RNF150: variants seen among roughly 807,000 people sequenced by gnomAD.
The protein encoded by RNF150 is ring finger protein 150.
In RNF150, 24 loss-of-function variants were observed where a neutral mutation model predicts 39.3. The ratio of observed to expected loss-of-function variants is 0.61; its 90% confidence interval spans 0.44 to 0.86. RNF150 has a LOEUF of 0.86. Among genes scored for constraint, RNF150 ranks in the 40% least tolerant of loss-of-function variants. The probability of loss-of-function intolerance (pLI) is 0.00; values close to 1 mark genes in which losing one functional copy is unlikely to be tolerated. For missense variants in RNF150, 502 were observed against 587.8 expected (o/e 0.85, Z 1.51); for synonymous variants, 255 against 227.3 (o/e 1.12, Z -1.10).
intron 1 of RNF150, among the ~76,000 whole-genome samples, chr4:141,153,655 AAG>A (rs1267648942): frequency 6.6e-6 from 1 of 152,216 alleles, no homozygotes; most frequent in Non-Finnish European, 1.5e-5. Flanking sequence ...TCCAAAGAGA[AAG>A]AGGATAGTGA....
intron 1 of RNF150, among the ~76,000 whole-genome samples, chr4:141,151,409 GACACACAC>G (rs869289733): frequency 0.017 from 2,096 of 121,958 alleles, 49 homozygotes; most frequent in African/African-American, 0.056. Context: ...CATCTCTACA[GACACACAC>G]ACACACACAC....
At chr4:141,146,369 T>C (rs1308639707) in intron 1 of RNF150, among the ~76,000 whole-genome samples, 1 of 152,196 alleles carries the variant, frequency 6.6e-6, no homozygotes, top group East Asian at 1.9e-4. Flanking sequence ...AGAGAATTAT[T>C]GTTTGCTGAA....
chr4:141,113,400 CA>C lies in RNF150; in HGVS notation c.484+18924del, dbSNP rs1184193304. On this transcript the variant is annotated intron_variant, in intron 1 of 6. Transcript: ENST00000515673. ...TTCAATAAAACAGACCTTAAACCAA[CA>C]AAGATCAAAAAAGACAAAGAAGGGC... is the stretch of plus-strand genomic sequence containing the variant. Among the ~76,000 whole-genome samples the C allele has an allele frequency of 8.9e-5, 13 of 145,744 alleles. No homozygotes were observed. The South Asian group carries it at 1.9e-3, about 22-fold the overall frequency.
chr4:140,929,586 T>C (rs576967090), intron 4 of RNF150, among the ~76,000 whole-genome samples: 1 of 152,146 alleles, frequency 6.6e-6, no homozygotes, highest in African/African-American at 2.4e-5. Flanking sequence ...CAGGATGGTC[T>C]CGATCTCCTG....
intron 1 of RNF150, among the ~76,000 whole-genome samples, chr4:141,108,068 G>C (rs1326928280): frequency 6.6e-6 from 1 of 151,978 alleles, no homozygotes; most frequent in East Asian, 1.9e-4. Context: ...TCCTACAGTG[G>C]AGATGTCGCA....
rs112801677 is a variant in RNF150 at position 141,016,834 on chromosome 4, G to A, written c.485-48961C>T. On this transcript the variant is annotated intron_variant, in intron 1 of 6. Coordinates refer to ENST00000515673, the MANE Select transcript of RNF150 (RefSeq NM_020724.2). ...CCTCTTCCACCCATTAATTACATTA[G>A]GGGGTCTGTCCAGATTCTTCTTTCG... is the stretch of plus-strand genomic sequence containing the variant. Among the ~76,000 whole-genome samples, 700 of 152,182 alleles carry A rather than the reference G, an allele frequency of 4.6e-3. 6 individuals are homozygous for A. The highest frequency in any genetic ancestry group is 0.016 in the African/African-American group (674 of 41,518).
At chr4:141,044,773 A>G (rs956563158) in intron 1 of RNF150, among the ~76,000 whole-genome samples, 1 of 145,940 alleles carries the variant, frequency 6.9e-6, no homozygotes, top group African/African-American at 2.6e-5. Flanking sequence ...TGTGCAGCGC[A>G]CACACACACG....
chr4:141,203,915 C>G (rs548072753), intron 1 of RNF150, among the ~76,000 whole-genome samples: 3 of 151,976 alleles, frequency 2.0e-5, no homozygotes, highest in African/African-American at 7.2e-5. Context: ...GGTAATGTTT[C>G]TGTTAAGAAT....
intron 6 of RNF150, among the ~76,000 whole-genome samples, chr4:140,903,877 T>G (rs1449167560): frequency 6.6e-6 from 1 of 152,194 alleles, no homozygotes; most frequent in Non-Finnish European, 1.5e-5. Context: ...AATTGATTGA[T>G]TCTCTCACAG....
chr4:140,907,818 T>G (rs1351893841), intron 6 of RNF150, among the ~76,000 whole-genome samples: 1 of 152,200 alleles, frequency 6.6e-6, no homozygotes, highest in African/African-American at 2.4e-5. Flanking sequence ...CATTAATCTC[T>G]CTATGCCTCC....
chr4:141,162,052 C>T (rs1727521799), intron 1 of RNF150, among the ~76,000 whole-genome samples: 2 of 152,190 alleles, frequency 1.3e-5, no homozygotes, highest in Non-Finnish European at 2.9e-5. Context: ...GGCCACTGTC[C>T]TCCAGGCCCC....
chr4:140,943,955 G>A (rs1214742530), intron 4 of RNF150, among the ~76,000 whole-genome samples: 18 of 152,240 alleles, frequency 1.2e-4, no homozygotes, highest in Admixed American at 6.5e-5. Flanking sequence ...GCAGGGAAAC[G>A]GTCTATCTAT....
intron 6 of RNF150, among the ~76,000 whole-genome samples, chr4:140,880,120 T>A (rs944603809): frequency 6.6e-6 from 1 of 152,170 alleles, no homozygotes; most frequent in Non-Finnish European, 1.5e-5. Flanking sequence ...TCTAGAATGA[T>A]GTTAGCTATA....
intron 1 of RNF150, among the ~76,000 whole-genome samples, chr4:141,156,359 C>A (rs1200557025): frequency 1.3e-5 from 2 of 152,182 alleles, no homozygotes; most frequent in Non-Finnish European, 2.9e-5. Flanking sequence ...TAGCTCACTG[C>A]AGCCTTGATC....
chr4:140,882,025 T>A (rs889171519), intron 6 of RNF150, among the ~76,000 whole-genome samples: 4 of 152,148 alleles, frequency 2.6e-5, no homozygotes, highest in Non-Finnish European at 4.4e-5. Flanking sequence ...TTAATTTTTT[T>A]ATTTTTATTT....
intron 1 of RNF150, among the ~76,000 whole-genome samples, chr4:140,991,667 C>T (rs1168582594): frequency 6.6e-6 from 1 of 152,046 alleles, no homozygotes; most frequent in African/African-American, 2.4e-5. Context: ...CTAATTAAGG[C>T]AAAAGACAGT....
At chr4:141,135,374 C>G (rs576556269), upstream of RNF150, among the ~76,000 whole-genome samples, 212 of 152,298 alleles carry the variant, frequency 1.4e-3, 1 homozygote, top group African/African-American at 4.9e-3. Context: ...ATAGGGCTGA[C>G]ACTGGGAAAG....
Position 141,132,239 on chromosome 4 carries a change from G to A in RNF150, c.484+86C>T. On this transcript the variant is annotated intron_variant, in intron 1 of 6. Coordinates refer to ENST00000515673, the MANE Select transcript of RNF150 (RefSeq NM_020724.2). The surrounding 1 kb of genome is among the most constrained non-coding windows in gnomAD (Gnocchi z 4.9). ...TCTTCCGCGCCGCACGGACTTCCCAGAAGGAGCCTGGAGGCAGGCGCTGGA... is the reference window on the plus strand; with the variant it reads ...TCTTCCGCGCCGCACGGACTTCCCAAAAGGAGCCTGGAGGCAGGCGCTGGA... The A allele has an allele frequency of 1.4e-6, 2 of 1,408,848 alleles. No homozygotes were observed. The highest frequency in any genetic ancestry group is 1.3e-5 in the South Asian group (1 of 76,596). 87.3% of individuals were successfully genotyped at this position (1,408,848 alleles called of 1,614,324 possible).
intron 1 of RNF150, among the ~76,000 whole-genome samples, chr4:141,072,682 T>TA (rs1259393679): frequency 6.6e-6 from 1 of 152,176 alleles, no homozygotes; most frequent in Non-Finnish European, 1.5e-5. Flanking sequence ...AATTATAACA[T>TA]AGACAGGTAG....
Sources: allele counts gnomAD v4.1 joint callset (sites outside exome capture counted in the v4.1 genomes callset), GRCh38; gene constraint gnomAD v4.1.1; non-coding constraint Gnocchi (gnomAD v3.1); transcripts MANE v1.5; gene names NCBI Gene and HGNC (gene_info 2026-07-23, HGNC 2026-07-21).